Variants in DIAPH2 observed in about 807,000 individuals in gnomAD.
DIAPH2 encodes the protein diaphanous related formin 2.
A neutral mutation model predicts 92.7 loss-of-function variants in DIAPH2; 35 were observed. The observed-to-expected ratio is 0.38, with a 90% confidence interval of 0.29 to 0.50. The LOEUF (loss-of-function observed/expected upper bound fraction) is 0.50, where lower values mean the gene tolerates loss of function less well. DIAPH2 is among the 20% of genes least tolerant of loss of function. The pLI is 0.94. For missense variants in DIAPH2, 701 were observed against 819.5 expected (o/e 0.86, Z 1.77); for synonymous variants, 301 against 280.4 (o/e 1.07, Z -0.73).
At chrX:96,869,510 C>T (rs2065125052) in intron 4 of DIAPH2, among the ~76,000 whole-genome samples, 2 of 108,931 alleles carry the variant, frequency 1.8e-5, no homozygotes, top group Admixed American at 2.0e-4. Context: ...TGCAGTGAGC[C>T]GAGATTCCGC....
At chrX:97,027,357 T>C (rs1040070904) in intron 17 of DIAPH2, among the ~76,000 whole-genome samples, 2 of 112,101 alleles carry the variant, frequency 1.8e-5, no homozygotes, top group African/African-American at 6.5e-5. Flanking sequence ...GATAAAGTGC[T>C]AAAAAGATAC....
At chrX:97,179,235 CTT>C (rs370073041) in intron 22 of DIAPH2, among the ~76,000 whole-genome samples, 1,101 of 88,050 alleles carry the variant, frequency 0.013, 15 homozygotes, top group African/African-American at 0.043. Context: ...CTGAGTGTGC[CTT>C]TTTTTTTTTT....
intron 25 of DIAPH2, among the ~76,000 whole-genome samples, chrX:97,392,270 A>G (rs1485248619): frequency 9.0e-6 from 1 of 111,727 alleles, no homozygotes; most frequent in Non-Finnish European, 1.9e-5. Context: ...AGTACAAAAC[A>G]CAGGACCTAG....
At chrX:97,399,156 G>A (rs2069731705) in intron 25 of DIAPH2, among the ~76,000 whole-genome samples, 1 of 111,881 alleles carries the variant, frequency 8.9e-6, no homozygotes, top group Non-Finnish European at 1.9e-5. Context: ...CTTTAAGACA[G>A]TATGTCTTAA....
chrX:97,195,585 T>TG (rs1257759336), intron 22 of DIAPH2, among the ~76,000 whole-genome samples: 1 of 99,171 alleles, frequency 1.0e-5, no homozygotes. Flanking sequence ...CGCTTGAACC[T>TG]GGGGGGTGGA....
intron 1 of DIAPH2, among the ~76,000 whole-genome samples, chrX:96,686,367 C>T (rs1481626326): frequency 9.2e-6 from 1 of 109,149 alleles, no homozygotes; most frequent in African/African-American, 3.4e-5. Context: ...CAAGAATCTG[C>T]CACTTTTAAG....
chrX:97,299,874 C>T (rs1251693875), intron 23 of DIAPH2, among the ~76,000 whole-genome samples: 2 of 111,819 alleles, frequency 1.8e-5, no homozygotes, highest in Non-Finnish European at 3.8e-5. Context: ...ATTTAAAATG[C>T]ATTCAAAATC....
chrX:97,582,527 T>C (rs1348925011), intron 26 of DIAPH2, among the ~76,000 whole-genome samples: 1 of 110,598 alleles, frequency 9.0e-6, no homozygotes, highest in Non-Finnish European at 1.9e-5. Flanking sequence ...GCTTGTAGGG[T>C]TTCTGCCGAG....
Position 97,206,099 on chromosome X carries a change from A to G in DIAPH2, c.2720-41616A>G, listed in dbSNP as rs752219661. ...TGTTCTCACTCATAAGTGAGAGTTG[A>G]ACAATGAGAACACATGGATACAGGG... On this transcript the variant is annotated intron_variant, in intron 22 of 26. Coordinates refer to ENST00000324765, the MANE Select transcript of DIAPH2 (RefSeq NM_006729.5). Among the ~76,000 whole-genome samples the G allele has an allele frequency of 4.5e-5, 5 of 111,376 alleles. No homozygotes were observed. In the East Asian group the frequency reaches 1.4e-3, roughly 32 times the overall value.
rs12013392 is a variant in DIAPH2 at position 97,538,904 on chromosome X, C to G, written c.3242-60349C>G. On this transcript the variant is annotated intron_variant, in intron 26 of 26. Transcript: ENST00000324765. ...CCCCATACATAGATTCAAGACTCCACTAGGATTCTGTATCTTAATACTACT... is the reference window on the plus strand; with the variant it reads ...CCCCATACATAGATTCAAGACTCCAGTAGGATTCTGTATCTTAATACTACT... Among the ~76,000 whole-genome samples the G allele has an allele frequency of 3.9e-3, 436 of 112,297 alleles. 3 individuals are homozygous for G. Among genetic ancestry groups the G allele is most frequent in the African/African-American group, 0.013 (406 of 31,022 alleles).
intron 17 of DIAPH2, among the ~76,000 whole-genome samples, chrX:97,037,529 T>A (rs975896553): frequency 9.0e-6 from 1 of 111,576 alleles, no homozygotes; most frequent in African/African-American, 3.3e-5. Context: ...TTTAAAAAGG[T>A]CTCTTGAATT....
chrX:97,446,676 C>A (rs1347863854), intron 26 of DIAPH2, among the ~76,000 whole-genome samples: 1 of 110,827 alleles, frequency 9.0e-6, no homozygotes, highest in African/African-American at 3.3e-5. Flanking sequence ...TATCTGTTTA[C>A]CTAAACTGAA....
intron 24 of DIAPH2, among the ~76,000 whole-genome samples, chrX:97,363,245 ATC>A (rs1411890204): frequency 8.9e-6 from 1 of 112,307 alleles, no homozygotes; most frequent in African/African-American, 3.2e-5. Context: ...CTGAGAAGAA[ATC>A]TGTCCTTTTC....
At position 97,601,587 on chromosome X, in the gene DIAPH2, A is replaced by G. The variant is rs1237829934; in HGVS notation, c.*2270A>G. The G allele has an allele frequency of 8.9e-6, 1 of 112,131 alleles. No homozygotes were observed. The allele number at this position is 112,131 out of a possible 1,213,427, so 9.2% of individuals were successfully genotyped here. On this transcript the variant is annotated 3_prime_UTR_variant, in exon 27 of 27. Coordinates refer to ENST00000324765, the MANE Select transcript of DIAPH2 (RefSeq NM_006729.5). ...TGATTGGAAAGTATATCACCAAAAA[A>G]AGTATATAGTGACATTTTTAGTATG...
intron 12 of DIAPH2, 133 bp from the exon 13 acceptor site, chrX:96,941,885 T>C (rs965177639): frequency 2.2e-6 from 1 of 448,149 alleles, no homozygotes; most frequent in Admixed American, 3.4e-5. Flanking sequence ...CCTAAGAAAG[T>C]GTAGTGGCTG....
rs755245386 is a variant in DIAPH2 at position 97,129,950 on chromosome X, T to A, written c.2590-11715T>A. 5.4e-5 allele frequency among the ~76,000 whole-genome samples: 6 copies of A among 111,785 alleles called. No individual in the cohort carries two copies. The East Asian group carries it at 1.7e-3, about 31-fold the overall frequency. On this transcript the variant is annotated intron_variant, in intron 21 of 26. Transcript: ENST00000324765. ...CTCAGTTCAAAAATGGGTAAACAAA[T>A]TGAATAAATATTTCTCCAGAGAAGA...
rs768286478 is a variant in DIAPH2 at position 97,341,424 on chromosome X, G to C, written c.2845-6692G>C. The C allele has an allele frequency of 3.4e-4, 38 of 110,213 alleles. 1 individual carries two copies. The highest frequency in any genetic ancestry group is 3.0e-4 in the Non-Finnish European group (16 of 52,786). The allele number at this position is 110,213 out of a possible 1,213,427, so 9.1% of individuals were successfully genotyped here. A position where few individuals can be genotyped will look rare whatever the true frequency, so the allele number is the denominator to read the frequency against. On this transcript the variant is annotated intron_variant, in intron 23 of 26. Coordinates refer to ENST00000324765, the MANE Select transcript of DIAPH2 (RefSeq NM_006729.5). ...TCTAATATAGGAGATAAACAAAATG[G>C]CCAGTTTTAAATTTTATCTATTGTA...
intron 26 of DIAPH2, among the ~76,000 whole-genome samples, chrX:97,444,946 T>C (rs1244095624): frequency 8.9e-6 from 1 of 111,740 alleles, no homozygotes; most frequent in Middle Eastern, 4.2e-3. Context: ...TGCCTATCCT[T>C]AGTGACTGGG....
At chrX:97,313,035 T>C (rs778427643) in intron 23 of DIAPH2, among the ~76,000 whole-genome samples, 1 of 108,755 alleles carries the variant, frequency 9.2e-6, no homozygotes, top group African/African-American at 3.3e-5. Context: ...GAAAAAAAAA[T>C]TTAGCCGGGC....
Sources: allele counts gnomAD v4.1 joint callset (sites outside exome capture counted in the v4.1 genomes callset), GRCh38; gene constraint gnomAD v4.1.1; transcripts MANE v1.5; gene names NCBI Gene and HGNC (gene_info 2026-07-23, HGNC 2026-07-21).